Variants in IGFN1 observed in about 807,000 individuals in gnomAD.
The protein encoded by IGFN1 is immunoglobulin-like and fibronectin type III domain-containing protein 1.
In IGFN1, 253 loss-of-function variants were observed where a neutral mutation model predicts 289.5. The ratio of observed to expected loss-of-function variants is 0.87; its 90% CI spans 0.79 to 0.97. IGFN1 has a LOEUF of 0.97. Among genes scored for constraint, IGFN1 ranks in the 50% least tolerant of loss-of-function variants. The pLI is 0.00. For missense variants in IGFN1, 4,470 were observed against 4,686.1 expected (o/e 0.95, Z 1.35); for synonymous variants, 1,706 against 1,788.5 (o/e 0.95, Z 1.16).
chr1:201,205,418 G>A, intron 11 of IGFN1, 64 bp downstream of exon 11: 1 of 1,425,364 alleles, frequency 7.0e-7, no homozygotes, highest in South Asian at 1.4e-5. Context: ...GCGGAGGCAT[G>A]AGGAAGGCGA....
chr1:201,215,388 C>T (rs1653159222), intron 14 of IGFN1, 151 bp from the exon 15 acceptor site: 8 of 799,880 alleles, frequency 1.0e-5, no homozygotes, highest in Non-Finnish European at 1.6e-5. Context: ...TCTTCTGCTG[C>T]AGATGAAGCC....
chr1:201,194,370 G>A, intron 3 of IGFN1, 97 bp downstream of exon 3: 1 of 1,369,182 alleles, frequency 7.3e-7, no homozygotes. Context: ...GGGGACCCAG[G>A]CCCTATATCC....
rs753008599 is a variant in IGFN1 at position 201,226,070 on chromosome 1, G to A, written c.10733G>A (p.Gly3578Glu). The change falls in exon 22 of 24, where the codon GGG becomes GAG. Residue 3578 changes from glycine to glutamate, a missense_variant. By Grantham distance (98) the Gly-to-Glu change is moderately conservative. Transcript: ENST00000335211. The part of the protein sequence containing the change: ...HFRVVAKNEL[G>E]ASKPSDTSQP... Reference sequence around the variant, plus strand: ...AGGGTGGTGGCCAAGAATGAGCTGGGGGCCAGCAAACCCTCGGACACCAGC... The same window carrying A: ...AGGGTGGTGGCCAAGAATGAGCTGGAGGCCAGCAAACCCTCGGACACCAGC... 21 of 1,603,156 alleles carry A rather than the reference G, an allele frequency of 1.3e-5. No homozygotes were observed. Among genetic ancestry groups the A allele is most frequent in the South Asian group, 1.1e-5 (1 of 89,904 alleles).
rs534633941 is a variant in IGFN1 at position 201,207,391 on chromosome 1, A to G, written c.2498A>G (p.Glu833Gly). ...HRAAGGIGRI[E>G]SKGTSPWDDT... Reference sequence around the variant, plus strand: ...GCAGCAGGGGGTATTGGCAGAATAGAATCTAAGGGCACAAGTCCTTGGGAT... The same window carrying G: ...GCAGCAGGGGGTATTGGCAGAATAGGATCTAAGGGCACAAGTCCTTGGGAT... Residue 833 changes from glutamate (E) to glycine (G), a missense_variant, in exon 12 of 24, where the codon GAA becomes GGA. Physicochemically the swap from Glu to Gly is moderately conservative, Grantham distance 98. Coordinates refer to ENST00000335211, the MANE Select transcript of IGFN1 (RefSeq NM_001164586.2). 518 of 1,536,162 alleles carry G rather than the reference A, an allele frequency of 3.4e-4. 6 individuals are homozygous for G. The South Asian group carries it at 5.1e-3, about 15-fold the overall frequency.
At chr1:201,201,646 C>A in intron 8 of IGFN1, 73 bp from the exon 9 acceptor site, 1 of 790,870 alleles carries the variant, frequency 1.3e-6, no homozygotes, top group Non-Finnish European at 2.2e-6. Context: ...GGTACCAGAG[C>A]CTATGAGGGT....
Position 201,195,876 on chromosome 1 carries a change from G to C in IGFN1, c.165G>C (p.Glu55Asp), listed in dbSNP as rs868734535. The stretch of plus-strand genomic sequence containing the variant: ...TCTTTCGGGCTGTGGTCTGTGGGGA[G>C]CCCAGGCCCGAGGTGCGTTGGCAGA... ...NAVFRAVVCGEPRPEVRWQNS... is the reference protein window; with the variant it reads ...NAVFRAVVCGDPRPEVRWQNS... The change falls in exon 4 of 24, where the codon GAG (glutamate) becomes GAC (aspartate). Residue 55 changes from glutamate to aspartate, a missense_variant. Around this residue, in one of 8 missense-constraint regions of IGFN1, gnomAD observed 2,011 missense variants for 1,953.4 expected, o/e 1.03. Transcript: ENST00000335211. 1.3e-6 allele frequency: 2 copies of C among 1,551,682 alleles called. No homozygotes were observed. The highest frequency in any genetic ancestry group is 1.2e-5 in the South Asian group (1 of 84,052).
At position 201,212,387 on chromosome 1, in the gene IGFN1, G is replaced by T. The variant is rs1355228632; in HGVS notation, c.7494G>T (p.Gly2498=). 6.5e-7 allele frequency: 1 copy of T among 1,536,976 alleles called. No homozygotes were observed. Among genetic ancestry groups the T allele is most frequent in the East Asian group, 2.4e-5 (1 of 40,916 alleles). ...TCAAAGAATGGCAAGACAGTTCTGG[G>T]ACTCCAGGGTCTTCTAGAGACAGAG... is the stretch of plus-strand genomic sequence containing the variant. ...PDVKEWQDSS[G]TPGSSRDRGA... The change falls in exon 12 of 24, where the codon GGG becomes GGT. Residue 2498 remains glycine (G), a synonymous_variant. Coordinates refer to ENST00000335211, the MANE Select transcript of IGFN1 (RefSeq NM_001164586.2).
rs1185696339 is a variant in IGFN1 at position 201,206,637 on chromosome 1, G to A, written c.1744G>A (p.Gly582Arg). ...GSSREGKEHR[G>R]DSGRQLDRHA... is the part of the protein sequence containing the mutation. Reference sequence around the variant, plus strand: ...CAGCAGGGAAGGAAAGGAGCACAGAGGGGACAGTGGAAGACAACTGGACAG... The same window carrying A: ...CAGCAGGGAAGGAAAGGAGCACAGAAGGGACAGTGGAAGACAACTGGACAG... The change falls in exon 12 of 24, where the codon GGG (glycine) becomes AGG (arginine). Residue 582 changes from glycine (G) to arginine (R), a missense_variant. By Grantham distance (125) the Gly-to-Arg change is moderately radical. Around this residue, in one of 8 missense-constraint regions of IGFN1, gnomAD observed 2,011 missense variants for 1,953.4 expected, o/e 1.03. Transcript: ENST00000335211. 6.5e-7 allele frequency: 1 copy of A among 1,539,674 alleles called. No individual in the cohort carries two copies. The highest frequency in any genetic ancestry group is 8.7e-7 in the Non-Finnish European group (1 of 1,146,934).
chr1:201,209,485 G>T lies in IGFN1; in HGVS notation c.4592G>T (p.Arg1531Met). 1 of 1,536,998 alleles carries T rather than the reference G, an allele frequency of 6.5e-7. No individual in the cohort carries two copies. The highest frequency in any genetic ancestry group is 8.7e-7 in the Non-Finnish European group (1 of 1,146,792). The change falls in exon 12 of 24, where the codon AGG (arginine) becomes ATG (methionine). Residue 1531 changes from arginine (R) to methionine (M), a missense_variant. Arg to Met is a moderately conservative substitution (Grantham distance 91). Coordinates refer to ENST00000335211, the MANE Select transcript of IGFN1 (RefSeq NM_001164586.2). Reference protein sequence around the residue: ...EMGSVDKAGYRKDLGASEAIG... With the variant: ...EMGSVDKAGYMKDLGASEAIG... ...GGGTCTGTGGATAAGGCAGGCTATA[G>T]GAAGGATTTGGGGGCTTCTGAGGCA...
intron 20 of IGFN1, among the ~76,000 whole-genome samples, chr1:201,224,211 A>G (rs888879895): frequency 6.6e-6 from 1 of 152,218 alleles, no homozygotes; most frequent in South Asian, 2.1e-4. Context: ...TCTTCCTCCT[A>G]GACTATTGCC....
At chr1:201,225,541 C>T (rs768655201) in intron 21 of IGFN1, among the ~76,000 whole-genome samples, 18 of 152,232 alleles carry the variant, frequency 1.2e-4, no homozygotes, top group Middle Eastern at 3.4e-3. Context: ...TGCAGTGAGC[C>T]GAGATCGTGC....
rs1432736187 is a variant in IGFN1, at chr1:201,212,896, C to T, written c.8003C>T (p.Pro2668Leu). 6.4e-7 allele frequency: 1 copy of T among 1,551,316 alleles called. No individual in the cohort carries two copies. The highest frequency in any genetic ancestry group is 8.7e-7 in the Non-Finnish European group (1 of 1,146,932). ...GCTTTTGGTGGGACCCATGAAGGGC[C>T]AGGGGGCTTTAAGGGTGGGGAGGGT... Reference protein sequence around the residue: ...DAAFGGTHEGPGGFKGGEGAP... With the variant: ...DAAFGGTHEGLGGFKGGEGAP... The change falls in exon 12 of 24, where the codon CCA (proline) becomes CTA (leucine). Residue 2668 changes from proline to leucine, a missense_variant. By Grantham distance (98) the Pro-to-Leu change is moderately conservative (BLOSUM62 -3). Coordinates refer to ENST00000335211, the MANE Select transcript of IGFN1 (RefSeq NM_001164586.2).
chr1:201,203,185 T>C (rs1294229579), intron 9 of IGFN1, among the ~76,000 whole-genome samples: 1 of 152,234 alleles, frequency 6.6e-6, no homozygotes, highest in Non-Finnish European at 1.5e-5. Context: ...CCTAAGTACC[T>C]GAAACAGTGC....
intron 14 of IGFN1, among the ~76,000 whole-genome samples, 156 bp downstream of exon 14, chr1:201,215,310 A>G (rs1314168527): frequency 6.6e-6 from 1 of 152,194 alleles, no homozygotes; most frequent in East Asian, 1.9e-4. Flanking sequence ...GCCGACTCAT[A>G]CCCTGCCTAT....
At chr1:201,228,273 CT>C (rs1199203330) in intron 23 of IGFN1, 112 bp from the exon 24 acceptor site, 3 of 1,107,808 alleles carry the variant, frequency 2.7e-6, no homozygotes, top group African/African-American at 1.5e-5. Flanking sequence ...CCCACACCCC[CT>C]GATGGCAGAG....
In IGFN1 at chr1:201,197,058, G is replaced by A. The variant is rs57734822; in HGVS notation, c.268-160G>A. Reference sequence around the variant, plus strand: ...ACATCCACCCTCTGTCCCAAACCAGGTTTCTGTTTTGGGGTCTGTCTTTCC... The same window carrying A: ...ACATCCACCCTCTGTCCCAAACCAGATTTCTGTTTTGGGGTCTGTCTTTCC... On this transcript the variant is annotated intron_variant, in intron 4 of 23. Transcript: ENST00000335211. Among the ~76,000 whole-genome samples the A allele has an allele frequency of 6.5e-3, 993 of 152,278 alleles. 5 individuals are homozygous for A. The highest frequency in any genetic ancestry group is 0.023 in the African/African-American group (943 of 41,560).
rs989364721 is a variant in IGFN1, at chr1:201,212,965, C to T, written c.8072C>T (p.Ser2691Phe). The T allele has an allele frequency of 1.3e-6, 2 of 1,551,356 alleles. No homozygotes were observed. The highest frequency in any genetic ancestry group is 1.7e-6 in the Non-Finnish European group (2 of 1,146,966). Residue 2691 changes from serine to phenylalanine, a missense_variant, in exon 12 of 24, where the codon TCC (serine) becomes TTC (phenylalanine). This residue lies in a region of IGFN1 where 2,218 missense variants were observed against 2,114.1 expected (regional missense o/e 1.05). Coordinates refer to ENST00000335211, the MANE Select transcript of IGFN1 (RefSeq NM_001164586.2). ...GCTGGTGGATGCCGAAGCCCATGGTCCCTGGATAGCAAAGGTTCAAGTCCT... is the reference window on the plus strand; with the variant it reads ...GCTGGTGGATGCCGAAGCCCATGGTTCCTGGATAGCAAAGGTTCAAGTCCT... ...EAAGGCRSPW[S>F]LDSKGSSPGR...
chr1:201,205,034 C>A, intron 10 of IGFN1, 48 bp from the exon 11 acceptor site: 1 of 1,489,698 alleles, frequency 6.7e-7, no homozygotes, highest in Non-Finnish European at 9.0e-7. Flanking sequence ...TTAGGTCACA[C>A]TGTGTCATAC....
In IGFN1 at chr1:201,227,141, G is replaced by A; in HGVS notation, c.11046G>A (p.Gly3682=). ...TIPSVSPKDS[G]EYKAVAENTL... is the part of the protein sequence containing the mutation. ...CCAGCGTATCCCCGAAGGACAGCGGGGAGTACAAGGCTGTGGCTGAGAACA... is the reference window on the plus strand; with the variant it reads ...CCAGCGTATCCCCGAAGGACAGCGGAGAGTACAAGGCTGTGGCTGAGAACA... The change falls in exon 23 of 24, where the codon GGG becomes GGA. Residue 3682 remains glycine, a synonymous_variant. Coordinates refer to ENST00000335211, the MANE Select transcript of IGFN1 (RefSeq NM_001164586.2). 3 of 1,613,214 alleles carry A rather than the reference G, an allele frequency of 1.9e-6. No homozygotes were observed. The highest frequency in any genetic ancestry group is 2.5e-6 in the Non-Finnish European group (3 of 1,179,940).
Sources: allele counts gnomAD v4.1 joint callset (sites outside exome capture counted in the v4.1 genomes callset), GRCh38; gene constraint gnomAD v4.1.1; regional missense constraint gnomAD v4.1.1; transcripts MANE v1.5; gene names NCBI Gene and HGNC (gene_info 2026-07-23, HGNC 2026-07-21).